Variants in HHAT observed in about 807,000 individuals in gnomAD.
The protein encoded by HHAT is hedgehog acyltransferase, also known as protein-cysteine N-palmitoyltransferase HHAT.
Under a neutral mutation model 70.8 loss-of-function variants are expected in HHAT, and 47 were observed. That is an observed-to-expected ratio of 0.66 (90% CI 0.53 to 0.85). The LOEUF (loss-of-function observed/expected upper bound fraction) is 0.85. HHAT is among the 40% of genes least tolerant of loss of function. The pLI is 0.00. For synonymous variants in HHAT, 228 were observed against 247.6 expected (o/e 0.92, Z 0.74); for missense variants, 609 against 604.8 (o/e 1.01, Z -0.07).
intron 10 of HHAT, among the ~76,000 whole-genome samples, chr1:210,621,587 G>A (rs1331102538): frequency 1.3e-5 from 2 of 152,200 alleles, no homozygotes; most frequent in African/African-American, 4.8e-5. Flanking sequence ...GTAGATTAAT[G>A]TCCCATTATT....
chr1:210,405,743 G>T (rs912962607), intron 6 of HHAT, among the ~76,000 whole-genome samples: 2 of 152,194 alleles, frequency 1.3e-5, no homozygotes, highest in African/African-American at 4.8e-5. Context: ...TCCAGTGAAA[G>T]TATGTAACTT....
chr1:210,435,899 C>T (rs1383915735), intron 7 of HHAT, among the ~76,000 whole-genome samples: 3 of 151,648 alleles, frequency 2.0e-5, no homozygotes, highest in Admixed American at 1.3e-4. Flanking sequence ...ATATTTTCTC[C>T]CATTCTGTGG....
At chr1:210,389,968 A>G (rs1468833064) in intron 4 of HHAT, among the ~76,000 whole-genome samples, 1 of 152,208 alleles carries the variant, frequency 6.6e-6, no homozygotes, top group Non-Finnish European at 1.5e-5. Context: ...ATAAGATAGT[A>G]TTAGTTTTTT....
intron 10 of HHAT, among the ~76,000 whole-genome samples, chr1:210,619,344 C>G (rs185862281): frequency 2.0e-5 from 3 of 152,144 alleles, no homozygotes; most frequent in Non-Finnish European, 4.4e-5. Flanking sequence ...GGCGGCTACA[C>G]CTTGCCTGTC....
chr1:210,433,304 T>C (rs2093297562), intron 7 of HHAT, among the ~76,000 whole-genome samples: 1 of 151,854 alleles, frequency 6.6e-6, no homozygotes, highest in Non-Finnish European at 1.5e-5. Context: ...TCACAGGGAC[T>C]CTGCCTGGCA....
chr1:210,636,106 A>G (rs1419671626), intron 11 of HHAT, among the ~76,000 whole-genome samples: 1 of 152,130 alleles, frequency 6.6e-6, no homozygotes, highest in Non-Finnish European at 1.5e-5. Context: ...GCTGGGTTTT[A>G]CCCCTAACTT....
At chr1:210,614,486 T>C (rs1237465513) in intron 10 of HHAT, among the ~76,000 whole-genome samples, 4 of 152,198 alleles carry the variant, frequency 2.6e-5, no homozygotes, top group Admixed American at 6.5e-5. Context: ...TATGTATACA[T>C]GTGCCATGTT....
chr1:210,645,650 T>G (rs73065516), intron 11 of HHAT, among the ~76,000 whole-genome samples: 50 of 152,346 alleles, frequency 3.3e-4, no homozygotes, highest in African/African-American at 1.1e-3. Context: ...GTGTATGCTT[T>G]CTTTCTCAGT....
chr1:210,535,929 C>T (rs762757363), intron 9 of HHAT, among the ~76,000 whole-genome samples: 5 of 152,100 alleles, frequency 3.3e-5, no homozygotes, highest in African/African-American at 7.2e-5. Flanking sequence ...GAGCAGCTTG[C>T]GGATGCTCAA....
chr1:210,363,226 C>T (rs1279730432), intron 3 of HHAT, among the ~76,000 whole-genome samples: 1 of 152,188 alleles, frequency 6.6e-6, no homozygotes, highest in Non-Finnish European at 1.5e-5. Context: ...GAATCACATG[C>T]GGCCCCTGGA....
intron 7 of HHAT, among the ~76,000 whole-genome samples, chr1:210,432,435 A>G (rs1007448877): frequency 2.6e-5 from 4 of 151,942 alleles, no homozygotes; most frequent in Non-Finnish European, 5.9e-5. Flanking sequence ...GCTGCGTAAG[A>G]GGGGATTTAA....
chr1:210,359,442 T>C (rs906255867), intron 2 of HHAT, among the ~76,000 whole-genome samples: 5 of 152,162 alleles, frequency 3.3e-5, no homozygotes, highest in Non-Finnish European at 5.9e-5. Flanking sequence ...GTGCTTGAGA[T>C]ATTTTGCAGA....
intron 8 of HHAT, among the ~76,000 whole-genome samples, chr1:210,504,925 C>CTTTGTT: frequency 8.0e-6 from 1 of 125,542 alleles, no homozygotes; most frequent in Non-Finnish European, 1.6e-5. Context: ...TTTTTTGAGA[C>CTTTGTT]GGAGTCTCGC....
intron 9 of HHAT, among the ~76,000 whole-genome samples, chr1:210,542,740 T>C (rs143894897): frequency 1.3e-3 from 205 of 152,222 alleles, no homozygotes; most frequent in African/African-American, 4.8e-3. Context: ...CTCAAGGCTG[T>C]GGTGAGCTAG....
chr1:210,663,514 C>T (rs1013001261), intron 11 of HHAT, among the ~76,000 whole-genome samples: 2 of 152,170 alleles, frequency 1.3e-5, no homozygotes, highest in African/African-American at 2.4e-5. Context: ...CCTTAGTTTC[C>T]GTATCTACTA....
intron 6 of HHAT, among the ~76,000 whole-genome samples, chr1:210,415,770 T>A (rs939147818): frequency 2.0e-5 from 3 of 152,068 alleles, no homozygotes; most frequent in Non-Finnish European, 4.4e-5. Context: ...ATGATTCTCC[T>A]GCCTCAGCCT....
chr1:210,559,828 G>T (rs1461098499), intron 9 of HHAT, among the ~76,000 whole-genome samples: 1 of 152,132 alleles, frequency 6.6e-6, no homozygotes, highest in Non-Finnish European at 1.5e-5. Context: ...ATTTTTTTGT[G>T]TGTGACATTA....
At chr1:210,356,565 A>G (rs1261004859) in intron 2 of HHAT, among the ~76,000 whole-genome samples, 1 of 152,212 alleles carries the variant, frequency 6.6e-6, no homozygotes, top group Non-Finnish European at 1.5e-5. Context: ...AGTGGGATAC[A>G]GCTAGTATAA....
chr1:210,587,795 G>A (rs945502298), intron 9 of HHAT, 103 bp from the exon 10 acceptor site: 3 of 838,510 alleles, frequency 3.6e-6, no homozygotes, highest in African/African-American at 3.4e-5. Context: ...GGAAGGATCT[G>A]CATATGTGAA....
Sources: gnomAD v4.1 joint callset for allele counts (sites outside exome capture counted in the v4.1 genomes callset) on GRCh38, gnomAD v4.1.1 for gene constraint, MANE v1.5 for transcripts, NCBI Gene and HGNC (gene_info 2026-07-23, HGNC 2026-07-21) for gene names.